The following SDHAF3 variants were observed in gnomAD, a reference collection of about 807,000 sequenced individuals.
SDHAF3 encodes the protein succinate dehydrogenase complex assembly factor 3, also known as succinate dehydrogenase assembly factor 3, mitochondrial.
SDHAF3 carries 18 observed loss-of-function variants against 11.5 expected under a neutral mutation model. The ratio of observed to expected loss-of-function variants is 1.56; its 90% CI spans 1.08 to 2.32. The LOEUF (loss-of-function observed/expected upper bound fraction) is 2.32, where lower values mean the gene tolerates loss of function less well. SDHAF3 is among the 30% of genes most tolerant of loss of function. The pLI, the probability that SDHAF3 is intolerant of heterozygous loss-of-function variation, is 0.00. For missense variants in SDHAF3, 200 were observed against 154.4 expected (o/e 1.30, Z -1.57); for synonymous variants, 72 against 59.3 (o/e 1.21, Z -0.99).
At chr7:97,144,769 GT>G (rs1421418698) in intron 1 of SDHAF3, among the ~76,000 whole-genome samples, 4 of 152,110 alleles carry the variant, frequency 2.6e-5, no homozygotes, top group Non-Finnish European at 5.9e-5. Flanking sequence ...TTTTTGCTTA[GT>G]TTACTTTGGC....
Position 97,139,452 on chromosome 7 carries a change from G to C in SDHAF3, c.174+21555G>C, listed in dbSNP as rs555900616. ...GCACCACTCAAAAGTAGGCATGACA[G>C]TGTAAAAAAGCCAATTAGGGAAGGG... On this transcript the variant is annotated intron_variant, in intron 1 of 1. Transcript: ENST00000432641. 3.9e-5 allele frequency among the ~76,000 whole-genome samples: 6 copies of C among 152,314 alleles called. No homozygotes were observed. The East Asian group carries it at 1.2e-3, about 30-fold the overall frequency.
intron 1 of SDHAF3, among the ~76,000 whole-genome samples, chr7:97,166,115 A>C (rs1224126691): frequency 6.6e-6 from 1 of 152,226 alleles, no homozygotes; most frequent in Non-Finnish European, 1.5e-5. Context: ...CTGCTGATGC[A>C]TGGATGGGTA....
At chr7:97,160,929 A>C (rs978318020) in intron 1 of SDHAF3, among the ~76,000 whole-genome samples, 2 of 151,878 alleles carry the variant, frequency 1.3e-5, no homozygotes, top group African/African-American at 2.4e-5. Context: ...TTTCTTTGTC[A>C]TCTCTTAAAA....
intron 1 of SDHAF3, among the ~76,000 whole-genome samples, chr7:97,160,258 G>A (rs1377595627): frequency 1.2e-4 from 17 of 138,636 alleles, no homozygotes; most frequent in Non-Finnish European, 1.8e-4. Flanking sequence ...CTGCCCGGCC[G>A]CCCTGTCTGG....
At chr7:97,169,743 TA>T (rs1444064704) in intron 1 of SDHAF3, among the ~76,000 whole-genome samples, 1 of 152,042 alleles carries the variant, frequency 6.6e-6, no homozygotes, top group African/African-American at 2.4e-5. Context: ...ATAAAAAATG[TA>T]AAAAAAGAAA....
chr7:97,155,998 G>A (rs961836056), intron 1 of SDHAF3, among the ~76,000 whole-genome samples: 1 of 152,058 alleles, frequency 6.6e-6, no homozygotes, highest in Admixed American at 6.5e-5. Context: ...TATGGTACGT[G>A]TGTCATAACT....
At chr7:97,157,931 A>C (rs1293353967) in intron 1 of SDHAF3, among the ~76,000 whole-genome samples, 1 of 134,814 alleles carries the variant, frequency 7.4e-6, no homozygotes, top group Admixed American at 7.9e-5. Context: ...ACATGGACAC[A>C]GGAAGGGGAA....
intron 1 of SDHAF3, among the ~76,000 whole-genome samples, chr7:97,180,019 T>A (rs73233843): frequency 6.6e-6 from 1 of 152,274 alleles, no homozygotes; most frequent in South Asian, 2.1e-4. Context: ...TTTGGCACTT[T>A]GTCTGCTTAA....
chr7:97,174,432 T>C (rs1433142278), intron 1 of SDHAF3, among the ~76,000 whole-genome samples: 2 of 152,234 alleles, frequency 1.3e-5, no homozygotes, highest in East Asian at 1.9e-4. Flanking sequence ...TGCAATATTA[T>C]ATTGTTAATT....
intron 1 of SDHAF3, among the ~76,000 whole-genome samples, chr7:97,179,102 C>T (rs1238940848): frequency 6.6e-6 from 1 of 152,172 alleles, no homozygotes; most frequent in African/African-American, 2.4e-5. Flanking sequence ...ATTATTCTTT[C>T]CTCCACTGAA....
intron 1 of SDHAF3, among the ~76,000 whole-genome samples, chr7:97,125,155 A>G (rs2115621332): frequency 6.6e-6 from 1 of 151,312 alleles, no homozygotes; most frequent in East Asian, 2.0e-4. Context: ...CCAGCGGTCT[A>G]TTTTGTTAAT....
intron 1 of SDHAF3, among the ~76,000 whole-genome samples, chr7:97,141,223 C>G (rs1043619501): frequency 6.6e-6 from 1 of 152,132 alleles, no homozygotes; most frequent in Non-Finnish European, 1.5e-5. Flanking sequence ...CAATGCGTGC[C>G]GGAAACTTCA....
At chr7:97,119,491 A>C (rs1359718698) in intron 1 of SDHAF3, among the ~76,000 whole-genome samples, 1 of 152,226 alleles carries the variant, frequency 6.6e-6, no homozygotes, top group Non-Finnish European at 1.5e-5. Context: ...TTAGACATAC[A>C]GAAGAGTTAG....
rs1789471077 is a variant in SDHAF3 at position 97,164,495 on chromosome 7, A to G, written c.175-16517A>G. ...GGATTAAAGCGATTCTCCTGCCTCT[A>G]CCTCCTGAGTAGCTGAGATTATAGG... On this transcript the variant is annotated intron_variant, in intron 1 of 1. Coordinates refer to ENST00000432641, the MANE Select transcript of SDHAF3 (RefSeq NM_020186.3). Among the ~76,000 whole-genome samples the G allele has an allele frequency of 3.4e-5, 5 of 148,768 alleles. No individual in the cohort carries two copies. In the South Asian group the frequency reaches 6.3e-4, roughly 19 times the overall value.
At chr7:97,127,568 C>A (rs747224995) in intron 1 of SDHAF3, among the ~76,000 whole-genome samples, 1 of 152,048 alleles carries the variant, frequency 6.6e-6, no homozygotes, top group Non-Finnish European at 1.5e-5. Context: ...AGTGGCATGT[C>A]ACCTATATTT....
At position 97,117,711 on chromosome 7, in the gene SDHAF3, G is replaced by C. The variant is rs200626658; in HGVS notation, c.-13G>C. On this transcript the variant is annotated 5_prime_UTR_variant, in exon 1 of 2. Coordinates refer to ENST00000432641, the MANE Select transcript of SDHAF3 (RefSeq NM_020186.3). ...CTCTGCGCAGGCGCAGTCGGCGGTC[G>C]GCGTGGGGCGCTATGCCGGGGCGGC... 813 of 1,606,344 alleles carry C rather than the reference G, an allele frequency of 5.1e-4. 3 individuals are homozygous for C. Among genetic ancestry groups the C allele is most frequent in the Admixed American group, 7.6e-4 (45 of 59,266 alleles).
intron 1 of SDHAF3, among the ~76,000 whole-genome samples, chr7:97,171,154 G>A (rs537651666): frequency 3.5e-4 from 53 of 152,102 alleles, no homozygotes; most frequent in African/African-American, 1.2e-3. Flanking sequence ...TCCTCTAGGA[G>A]GCATGATATT....
At chr7:97,144,648 C>A (rs756432868) in intron 1 of SDHAF3, among the ~76,000 whole-genome samples, 8 of 152,146 alleles carry the variant, frequency 5.3e-5, no homozygotes, top group African/African-American at 1.9e-4. Flanking sequence ...TTTCTGGGTT[C>A]CCTATTCTGT....
chr7:97,122,012 T>A (rs911313285), intron 1 of SDHAF3, among the ~76,000 whole-genome samples: 1 of 151,980 alleles, frequency 6.6e-6, no homozygotes, highest in African/African-American at 2.4e-5. Context: ...CGCCCACCAC[T>A]GCGCCCAGCT....
Sources: allele counts gnomAD v4.1 joint callset (sites outside exome capture counted in the v4.1 genomes callset), GRCh38; gene constraint gnomAD v4.1.1; transcripts MANE v1.5; gene names NCBI Gene and HGNC (gene_info 2026-07-23, HGNC 2026-07-21).